The following KAZN variants were observed in gnomAD, a reference collection of about 807,000 sequenced individuals.
The protein encoded by KAZN is kazrin.
KAZN carries 40 observed loss-of-function variants against 87.4 expected under a neutral mutation model. That is an observed-to-expected ratio of 0.46 (90% CI 0.36 to 0.60). The LOEUF (loss-of-function observed/expected upper bound fraction) is 0.60. Among genes scored for constraint, KAZN ranks in the 20% least tolerant of loss-of-function variants. KAZN has a pLI of 0.00. For synonymous variants in KAZN, 466 were observed against 458.3 expected (o/e 1.02, Z -0.22); for missense variants, 898 against 1,073.9 (o/e 0.84, Z 2.29).
intron 1 of KAZN, among the ~76,000 whole-genome samples, chr1:14,099,421 C>T (rs1644200283): frequency 6.6e-6 from 1 of 152,124 alleles, no homozygotes; most frequent in Non-Finnish European, 1.5e-5. Context: ...GCAAATATAG[C>T]CTGTACCCTG....
chr1:14,879,278 G>C (rs1434434760), intron 1 of KAZN, among the ~76,000 whole-genome samples: 1 of 152,160 alleles, frequency 6.6e-6, no homozygotes, highest in Non-Finnish European at 1.5e-5. Flanking sequence ...TCGTGAGGTG[G>C]TTTCTAGCAT....
At chr1:14,969,548 C>T (rs187071756) in intron 2 of KAZN, among the ~76,000 whole-genome samples, 1 of 152,344 alleles carries the variant, frequency 6.6e-6, no homozygotes, top group Non-Finnish European at 1.5e-5. Flanking sequence ...AAGTTTAACT[C>T]TACAGACAGA....
chr1:13,904,293 C>T (rs1405440151), intron 1 of KAZN, among the ~76,000 whole-genome samples: 1 of 152,108 alleles, frequency 6.6e-6, no homozygotes, highest in Non-Finnish European at 1.5e-5. Flanking sequence ...AGGAAGGGAA[C>T]CCCTCATGCC....
intron 1 of KAZN, among the ~76,000 whole-genome samples, chr1:14,142,824 A>G (rs184156706): frequency 3.7e-4 from 57 of 152,334 alleles, no homozygotes; most frequent in Non-Finnish European, 7.2e-4. Context: ...AGGGAGCTGA[A>G]TCACAGGAGT....
chr1:14,134,558 T>A (rs1467431902), intron 1 of KAZN, among the ~76,000 whole-genome samples: 1 of 152,214 alleles, frequency 6.6e-6, no homozygotes, highest in Non-Finnish European at 1.5e-5. Flanking sequence ...TCTTGGCTAT[T>A]ATCCTAGGAC....
At chr1:14,651,112 C>A (rs1328958103) in intron 1 of KAZN, among the ~76,000 whole-genome samples, 2 of 152,194 alleles carry the variant, frequency 1.3e-5, no homozygotes, top group African/African-American at 2.4e-5. Flanking sequence ...TCTAAATGAC[C>A]AAATTAGGCA....
rs1201805548 is a variant in KAZN at position 15,099,673 on chromosome 1, C to A, written c.1548-1870C>A. ...CCTTGTGGACCATTCAAAGGACTTG[C>A]GATTTTACTCCTGCAAAGAGAAGCC... On this transcript the variant is annotated intron_variant, in intron 10 of 14. Transcript: ENST00000376030. This position sits in a 1 kb window ranked among gnomAD's most constrained non-coding sequence, Gnocchi z 5.4. Among the ~76,000 whole-genome samples, 4 of 152,230 alleles carry A rather than the reference C, an allele frequency of 2.6e-5. No homozygotes were observed. Among genetic ancestry groups the A allele is most frequent in the African/African-American group, 9.6e-5 (4 of 41,534 alleles).
intron 1 of KAZN, among the ~76,000 whole-genome samples, chr1:14,660,563 T>C (rs1327878233): frequency 2.0e-5 from 3 of 147,552 alleles, no homozygotes; most frequent in Non-Finnish European, 4.5e-5. Flanking sequence ...TTTTTTTTTT[T>C]TTGGCTTCAC....
At chr1:14,810,905 G>A (rs1296926211) in intron 1 of KAZN, among the ~76,000 whole-genome samples, 2 of 152,344 alleles carry the variant, frequency 1.3e-5, no homozygotes, top group South Asian at 4.1e-4. Flanking sequence ...CCTTGGCACT[G>A]CCTGGAGCAC....
intron 1 of KAZN, among the ~76,000 whole-genome samples, chr1:13,936,287 A>T (rs1640743091): frequency 1.3e-5 from 2 of 151,070 alleles, no homozygotes; most frequent in South Asian, 2.1e-4. Context: ...TATTTAGTAG[A>T]GACAGAGTTT....
At position 14,278,044 on chromosome 1, in the gene KAZN, C is replaced by T. The variant is rs554952765; in HGVS notation, c.249+97452C>T. Among the ~76,000 whole-genome samples, 3 of 151,468 alleles carry T rather than the reference C, an allele frequency of 2.0e-5. No homozygotes were observed. The South Asian group carries it at 6.3e-4, about 32-fold the overall frequency. ...GGGTCATGTGGAGAGGTGGCAGGTG[C>T]CTATAATCCCAGCTACTCAGGAGGC... On this transcript the variant is annotated intron_variant, in intron 2 of 16. Coordinates refer to the KAZN transcript ENST00000636203.
At chr1:15,002,144 T>G (rs926523267) in intron 2 of KAZN, among the ~76,000 whole-genome samples, 2 of 152,092 alleles carry the variant, frequency 1.3e-5, no homozygotes, top group Non-Finnish European at 2.9e-5. Flanking sequence ...CCTCCCAAAG[T>G]GCTGGGATTA....
At chr1:14,383,743 G>A (rs1383248180) in intron 2 of KAZN, among the ~76,000 whole-genome samples, 7 of 152,120 alleles carry the variant, frequency 4.6e-5, no homozygotes, top group Non-Finnish European at 1.0e-4. Flanking sequence ...TTGAAGTCAG[G>A]TACTGTGATG....
chr1:14,146,015 C>G (rs1347209621), intron 1 of KAZN, among the ~76,000 whole-genome samples: 1 of 152,058 alleles, frequency 6.6e-6, no homozygotes, highest in Non-Finnish European at 1.5e-5. Flanking sequence ...ACTGTCATAT[C>G]ACTTGATTCT....
chr1:14,196,093 G>T (rs1229153674), intron 2 of KAZN, among the ~76,000 whole-genome samples: 1 of 152,156 alleles, frequency 6.6e-6, no homozygotes, highest in Admixed American at 6.5e-5. Flanking sequence ...CAGGTGTCAA[G>T]GCCCTGAGTC....
intron 1 of KAZN, among the ~76,000 whole-genome samples, chr1:14,755,819 A>G (rs1644548197): frequency 6.6e-6 from 1 of 152,184 alleles, no homozygotes; most frequent in African/African-American, 2.4e-5. Flanking sequence ...TGGAGTGAAC[A>G]TTCCGGGGAA....
In KAZN at chr1:14,316,179, G is replaced by A. The variant is rs552777827; in HGVS notation, c.249+135587G>A. Among the ~76,000 whole-genome samples the A allele has an allele frequency of 1.3e-4, 19 of 151,994 alleles. 1 individual carries two copies. Among genetic ancestry groups the A allele is most frequent in the African/African-American group, 3.9e-4 (16 of 41,482 alleles). On this transcript the variant is annotated intron_variant, in intron 2 of 16. Coordinates refer to the KAZN transcript ENST00000636203. ...TGTACATCTTTTCATGTACTTCCTGGACAGGTAAAATGTCTGTTTCTTCTC... is the reference window on the plus strand; with the variant it reads ...TGTACATCTTTTCATGTACTTCCTGAACAGGTAAAATGTCTGTTTCTTCTC...
intron 2 of KAZN, among the ~76,000 whole-genome samples, chr1:14,507,902 G>C (rs927893109): frequency 1.3e-5 from 2 of 151,940 alleles, no homozygotes; most frequent in Non-Finnish European, 2.9e-5. Flanking sequence ...GGGAGGTGGA[G>C]CTTGCAGTGA....
At chr1:14,462,323 C>T (rs931147276) in intron 2 of KAZN, among the ~76,000 whole-genome samples, 1 of 152,018 alleles carries the variant, frequency 6.6e-6, no homozygotes, top group Non-Finnish European at 1.5e-5. Flanking sequence ...ACCATACAAA[C>T]CTGGGTCCTG....
Sources: gnomAD v4.1 joint callset for allele counts (sites outside exome capture counted in the v4.1 genomes callset) on GRCh38, gnomAD v4.1.1 for gene constraint, Gnocchi (gnomAD v3.1) non-coding constraint, MANE v1.5 for transcripts, NCBI Gene and HGNC (gene_info 2026-07-23, HGNC 2026-07-21) for gene names.